CTNNA3: variants seen among roughly 807,000 people sequenced by gnomAD.
CTNNA3 encodes the protein catenin alpha-3.
A neutral mutation model predicts 95.7 loss-of-function variants in CTNNA3; 76 were observed. The observed-to-expected ratio is 0.79, with a 90% confidence interval of 0.66 to 0.96. The LOEUF is 0.96. CTNNA3 is among the 40% of genes least tolerant of loss of function. The pLI, the probability that CTNNA3 is intolerant of heterozygous loss-of-function variation, is 0.00. For missense variants in CTNNA3, 1,191 were observed against 1,089.8 expected, an observed-to-expected ratio of 1.09 and a Z score of -1.31; for synonymous variants, 431 against 374.4, an observed-to-expected ratio of 1.15 and a Z score of -1.74.
chr10:67,252,084 G>A (rs1413759953), intron 5 of CTNNA3, among the ~76,000 whole-genome samples: 1 of 152,044 alleles, frequency 6.6e-6, no homozygotes, highest in Admixed American at 6.6e-5. Context: ...GGTGGTGTGT[G>A]CCCGAAGTCC....
At chr10:67,498,519 T>G (rs1375220024) in intron 5 of CTNNA3, among the ~76,000 whole-genome samples, 1 of 152,192 alleles carries the variant, frequency 6.6e-6, no homozygotes, top group Non-Finnish European at 1.5e-5. Flanking sequence ...ATAAATTACT[T>G]TGGGCATAAT....
Position 66,927,968 on chromosome 10 carries a change from T to C in CTNNA3, c.1048-152444A>G, listed in dbSNP as rs1311251528. On this transcript the variant is annotated intron_variant, in intron 7 of 17. Coordinates refer to ENST00000433211, the MANE Select transcript of CTNNA3 (RefSeq NM_013266.4). This position sits in a 1 kb window ranked among gnomAD's most constrained non-coding sequence, Gnocchi z 4.7. ...CCCAAAGAGCTGCAAGGAGTAAATG[T>C]GATCGATGCAGTGAAGAACTACAGC... 6.2e-7 allele frequency: 1 copy of C among 1,614,220 alleles called. No individual in the cohort carries two copies. Among genetic ancestry groups the C allele is most frequent in the East Asian group, 2.2e-5 (1 of 44,886 alleles).
chr10:66,759,783 G>A (rs1171457935), intron 9 of CTNNA3, among the ~76,000 whole-genome samples: 3 of 152,070 alleles, frequency 2.0e-5, no homozygotes, highest in Admixed American at 2.0e-4. Context: ...CAAATTTTAA[G>A]TCTTAGCATA....
Position 65,948,219 on chromosome 10 carries a change from T to C in CTNNA3, c.2400+18393A>G, listed in dbSNP as rs530455587. Among the ~76,000 whole-genome samples, 149 of 146,534 alleles carry C rather than the reference T, an allele frequency of 1.0e-3. 1 individual carries two copies. The highest frequency in any genetic ancestry group is 8.6e-3 in the Admixed American group (124 of 14,338). ...TGGCATGACCCCGGGAGGCGGAGCT[T>C]GCAGTGAGCCGAGATCATGCCACTG... On this transcript the variant is annotated intron_variant, in intron 17 of 17. Transcript: ENST00000433211.
intron 7 of CTNNA3, among the ~76,000 whole-genome samples, chr10:67,169,832 C>G (rs1861935238): frequency 6.6e-6 from 1 of 152,058 alleles, no homozygotes; most frequent in Non-Finnish European, 1.5e-5. Flanking sequence ...AACAGACAAC[C>G]TACAGATGGG....
chr10:66,636,463 G>A (rs1408005452), intron 9 of CTNNA3, among the ~76,000 whole-genome samples: 2 of 151,970 alleles, frequency 1.3e-5, no homozygotes, highest in South Asian at 4.1e-4. Flanking sequence ...TAGAAGGGAG[G>A]AGGGAGGAGT....
At chr10:66,057,050 CTATT>C (rs1242757518) in intron 15 of CTNNA3, among the ~76,000 whole-genome samples, 1 of 152,132 alleles carries the variant, frequency 6.6e-6, no homozygotes, top group African/African-American at 2.4e-5. Context: ...TGTCCTGCTC[CTATT>C]TAGTCTACCT....
intron 1 of CTNNA3, among the ~76,000 whole-genome samples, chr10:67,727,155 TTA>T (rs1420429848): frequency 9.0e-5 from 11 of 122,018 alleles, no homozygotes; most frequent in African/African-American, 1.2e-4. Context: ...TATTATATAA[TTA>T]TATATAATAT....
At chr10:67,410,979 T>C (rs1203480785) in intron 5 of CTNNA3, among the ~76,000 whole-genome samples, 1 of 152,096 alleles carries the variant, frequency 6.6e-6, no homozygotes, top group African/African-American at 2.4e-5. Context: ...TGATCAAACT[T>C]GTGTGTGGAA....
chr10:65,960,276 C>T (rs534643784), intron 17 of CTNNA3, among the ~76,000 whole-genome samples: 3 of 151,778 alleles, frequency 2.0e-5, no homozygotes, highest in African/African-American at 7.2e-5. Context: ...GCGGCTCACA[C>T]CTGTAATCCC....
intron 7 of CTNNA3, among the ~76,000 whole-genome samples, chr10:66,792,056 C>A (rs1323305376): frequency 6.6e-6 from 1 of 152,150 alleles, no homozygotes; most frequent in African/African-American, 2.4e-5. Flanking sequence ...CATTTACCTA[C>A]AGAAAATATT....
At chr10:66,523,354 G>A (rs1841135554) in intron 10 of CTNNA3, among the ~76,000 whole-genome samples, 1 of 152,138 alleles carries the variant, frequency 6.6e-6, no homozygotes, top group African/African-American at 2.4e-5. Context: ...TTCTGCTGCT[G>A]ATCCAATTTA....
intron 5 of CTNNA3, among the ~76,000 whole-genome samples, chr10:67,360,730 G>A (rs1260907482): frequency 6.6e-6 from 1 of 151,966 alleles, no homozygotes; most frequent in Non-Finnish European, 1.5e-5. Context: ...GAGAGGGGGA[G>A]GTGCTACATA....
At chr10:67,651,273 TAA>T (rs1018824278) in intron 1 of CTNNA3, among the ~76,000 whole-genome samples, 6 of 152,236 alleles carry the variant, frequency 3.9e-5, no homozygotes, top group Non-Finnish European at 7.3e-5. Context: ...CTAAAATGTT[TAA>T]GTCTTTTTTA....
chr10:66,549,866 A>G (rs1362591956), intron 10 of CTNNA3, among the ~76,000 whole-genome samples: 3 of 152,106 alleles, frequency 2.0e-5, no homozygotes, highest in Non-Finnish European at 1.5e-5. Flanking sequence ...TAATTTATTG[A>G]GACTTATTTA....
intron 5 of CTNNA3, among the ~76,000 whole-genome samples, chr10:67,323,512 G>T (rs1368314792): frequency 6.6e-6 from 1 of 152,138 alleles, no homozygotes; most frequent in African/African-American, 2.4e-5. Context: ...CTTTGTTGAA[G>T]ATCAGATAGT....
chr10:66,539,136 A>G (rs1841759562), intron 10 of CTNNA3, among the ~76,000 whole-genome samples: 1 of 152,118 alleles, frequency 6.6e-6, no homozygotes, highest in African/African-American at 2.4e-5. Flanking sequence ...AGTCTCAATC[A>G]TCAAGGTTTA....
chr10:66,272,586 A>G (rs959930383), intron 13 of CTNNA3, among the ~76,000 whole-genome samples: 6 of 152,054 alleles, frequency 3.9e-5, no homozygotes. Context: ...CAGGGCCTCA[A>G]GCAGTACCAT....
intron 3 of CTNNA3, among the ~76,000 whole-genome samples, chr10:67,575,956 G>A (rs1211374069): frequency 6.6e-6 from 1 of 152,150 alleles, no homozygotes; most frequent in East Asian, 1.9e-4. Flanking sequence ...CCTAGTCAAG[G>A]GAATGGTCTG....
Sources: allele counts gnomAD v4.1 joint callset (sites outside exome capture counted in the v4.1 genomes callset), GRCh38; gene constraint gnomAD v4.1.1; non-coding constraint Gnocchi (gnomAD v3.1); transcripts MANE v1.5; gene names NCBI Gene and HGNC (gene_info 2026-07-23, HGNC 2026-07-21).